Variants in TENM3 observed in about 807,000 individuals in gnomAD.
The protein encoded by TENM3 is teneurin transmembrane protein 3.
Under a neutral mutation model 255.1 loss-of-function variants are expected in TENM3, and 63 were observed. The observed-to-expected ratio is 0.25, with a 90% CI of 0.20 to 0.30. TENM3 has a LOEUF of 0.30. TENM3 is among the 10% of genes least tolerant of loss of function. TENM3 has a pLI of 1.00. For synonymous variants in TENM3, 1,306 were observed against 1,322.3 expected (o/e 0.99, Z 0.27); for missense variants, 2,929 against 3,461.1 (o/e 0.85, Z 3.86).
the TENM3 span, among the ~76,000 whole-genome samples, chr4:181,579,908 A>G: frequency 6.6e-5 from 10 of 151,896 alleles, no homozygotes; most frequent in South Asian, 2.1e-4. Context: ...GACTGCCACT[A>G]TGGTTCTCTA....
chr4:181,479,346 A>G, the TENM3 span, among the ~76,000 whole-genome samples: 1 of 152,336 alleles, frequency 6.6e-6, no homozygotes, highest in South Asian at 2.1e-4. Flanking sequence ...TTGCCTACGC[A>G]TCACAAAGCA....
At chr4:181,740,010 T>C in the TENM3 span, among the ~76,000 whole-genome samples, 1 of 152,198 alleles carries the variant, frequency 6.6e-6, no homozygotes, top group South Asian at 2.1e-4. Context: ...AGTCCCTGAA[T>C]TTAGTTTTCA....
chr4:182,096,155 A>T, the TENM3 span, among the ~76,000 whole-genome samples: 2,728 of 151,624 alleles, frequency 0.018, 71 homozygotes, highest in African/African-American at 0.06. Flanking sequence ...GAAGATAAGT[A>T]AGGAACATTT....
intron 3 of TENM3, among the ~76,000 whole-genome samples, chr4:182,512,866 A>G (rs1737563823): frequency 6.6e-6 from 1 of 152,202 alleles, no homozygotes; most frequent in Non-Finnish European, 1.5e-5. Flanking sequence ...AGTAGTTTGT[A>G]TACTCCTTGA....
At chr4:182,270,113 G>A (rs1232010505) in intron 1 of TENM3, among the ~76,000 whole-genome samples, 1 of 152,156 alleles carries the variant, frequency 6.6e-6, no homozygotes, top group Non-Finnish European at 1.5e-5. Context: ...GGGGGGTTGT[G>A]GAAGCCTAGG....
At chr4:182,572,098 C>T (rs1204261740) in intron 3 of TENM3, among the ~76,000 whole-genome samples, 1 of 152,082 alleles carries the variant, frequency 6.6e-6, no homozygotes, top group African/African-American at 2.4e-5. Context: ...AACGGGGTTT[C>T]ACCGTGTTGG....
chr4:181,748,961 T>C, the TENM3 span, among the ~76,000 whole-genome samples: 1 of 152,112 alleles, frequency 6.6e-6, no homozygotes, highest in African/African-American at 2.4e-5. Context: ...GTCAAACATA[T>C]TTTTTAAATT....
At chr4:181,555,884 G>C in the TENM3 span, among the ~76,000 whole-genome samples, 678 of 152,310 alleles carry the variant, frequency 4.5e-3, 6 homozygotes, top group African/African-American at 0.015. Context: ...TTAAATGCAA[G>C]GGAGAGTGGG....
chr4:182,353,913 C>T (rs771000183), intron 3 of TENM3, among the ~76,000 whole-genome samples: 4 of 151,038 alleles, frequency 2.6e-5, no homozygotes, highest in Non-Finnish European at 5.9e-5. Context: ...TGCAGTGAGC[C>T]GAGATCGTGC....
At chr4:181,926,952 C>T in the TENM3 span, among the ~76,000 whole-genome samples, 4 of 151,972 alleles carry the variant, frequency 2.6e-5, no homozygotes, top group Non-Finnish European at 5.9e-5. Flanking sequence ...CGTGAGGGAC[C>T]GTGCTGTGAG....
At chr4:181,991,005 C>T in the TENM3 span, among the ~76,000 whole-genome samples, 1 of 152,026 alleles carries the variant, frequency 6.6e-6, no homozygotes, top group African/African-American at 2.4e-5. Context: ...GGATATTCAG[C>T]AAATTTTAAC....
At chr4:181,939,058 T>C in the TENM3 span, among the ~76,000 whole-genome samples, 2 of 151,926 alleles carry the variant, frequency 1.3e-5, no homozygotes, top group East Asian at 3.9e-4. Context: ...TAATAAGTAA[T>C]GTAAGAAAAA....
chr4:181,978,595 C>G, the TENM3 span, among the ~76,000 whole-genome samples: 1 of 144,888 alleles, frequency 6.9e-6, no homozygotes, highest in Non-Finnish European at 1.5e-5. Flanking sequence ...TGCAGTAAGC[C>G]GAGATGGTGC....
At position 182,621,645 on chromosome 4, in the gene TENM3, CATATTATAATATATAATATGTATT is replaced by C. The variant is rs1561015877; in HGVS notation, c.750-7001_750-6978del. Among the ~76,000 whole-genome samples, 153 of 23,886 alleles carry C rather than the reference CATATTATAATATATAATATGTATT, an allele frequency of 6.4e-3. 3 individuals are homozygous for C. Among genetic ancestry groups the C allele is most frequent in the East Asian group, 0.02 (28 of 1,424 alleles). The allele number at this position is 23,886 out of a possible 152,430, so 15.7% of individuals were successfully genotyped here. On this transcript the variant is annotated intron_variant, in intron 4 of 27. Coordinates refer to ENST00000511685, the MANE Select transcript of TENM3 (RefSeq NM_001080477.4). ...TATATAAAATATATAATATATAATACATATTATAATATATAATATGTATTATATATATAAAATATATAATATATA... is the reference window on the plus strand; with the variant it reads ...TATATAAAATATATAATATATAATACATATATATAAAATATATAATATATA...
intron 5 of TENM3, among the ~76,000 whole-genome samples, chr4:182,644,662 T>A (rs1356972025): frequency 6.6e-6 from 1 of 152,242 alleles, no homozygotes; most frequent in African/African-American, 2.4e-5. Flanking sequence ...ATTAACATAT[T>A]GTCTCAAAAT....
At chr4:181,982,308 T>C in the TENM3 span, among the ~76,000 whole-genome samples, 1 of 152,116 alleles carries the variant, frequency 6.6e-6, no homozygotes, top group African/African-American at 2.4e-5. Flanking sequence ...AAGGGGTCAG[T>C]GAAAACCTTT....
At chr4:182,250,344 G>A (rs572893670) in intron 1 of TENM3, among the ~76,000 whole-genome samples, 7 of 152,138 alleles carry the variant, frequency 4.6e-5, no homozygotes, top group East Asian at 3.9e-4. Context: ...GAGCCACTGC[G>A]CCTGGCCTGT....
At chr4:182,172,379 C>T (rs1219820299) in intron 1 of TENM3, among the ~76,000 whole-genome samples, 2 of 152,020 alleles carry the variant, frequency 1.3e-5, no homozygotes, top group Non-Finnish European at 2.9e-5. Flanking sequence ...TAATTCGGTA[C>T]CAAAGGAGAT....
chr4:181,754,284 T>TCACACACACACACACACACACA, the TENM3 span, among the ~76,000 whole-genome samples: 1 of 144,516 alleles, frequency 6.9e-6, no homozygotes, highest in South Asian at 2.3e-4. Flanking sequence ...TATATCCCAG[T>TCACACACACACACACACACACA]CACACACACA....
Sources: gnomAD v4.1 joint callset for allele counts (sites outside exome capture counted in the v4.1 genomes callset) on GRCh38, gnomAD v4.1.1 for gene constraint, MANE v1.5 for transcripts, NCBI Gene and HGNC (gene_info 2026-07-23, HGNC 2026-07-21) for gene names.